Variants in PTN observed in about 807,000 individuals in gnomAD.
PTN encodes the protein heparin affin regulatory protein.
PTN carries 18 observed loss-of-function variants against 24.1 expected under a neutral mutation model. That is an observed-to-expected ratio of 0.75 (90% confidence interval 0.52 to 1.11). The LOEUF (loss-of-function observed/expected upper bound fraction) is 1.11, where lower values mean the gene tolerates loss of function less well. PTN is among the 50% of genes least tolerant of loss of function. The pLI, the probability that PTN is intolerant of heterozygous loss-of-function variation, is 0.00. For missense variants in PTN, 163 were observed against 198.8 expected (o/e 0.82, Z 1.08); for synonymous variants, 78 against 68.6 (o/e 1.14, Z -0.67).
At position 137,269,624 on chromosome 7, in the gene PTN, A is replaced by ATTTTTTT. The variant is rs869311084; in HGVS notation, c.-1-14657_-1-14651dup. Among the ~76,000 whole-genome samples, 171 of 63,012 alleles carry ATTTTTTT rather than the reference A, an allele frequency of 2.7e-3. 32 individuals are homozygous for ATTTTTTT. Among genetic ancestry groups the ATTTTTTT allele is most frequent in the African/African-American group, 0.012 (157 of 13,426 alleles). 41.3% of individuals were successfully genotyped at this position (63,012 alleles called of 152,430 possible). On this transcript the variant is annotated intron_variant, in intron 1 of 4. Coordinates refer to ENST00000348225, the MANE Select transcript of PTN (RefSeq NM_002825.7). Reference sequence around the variant, plus strand: ...TGCTATCTGTCAAGCTGCTTCATCTATTTTTTTTTTTTTTTTTTTTTTTTT... The same window carrying ATTTTTTT: ...TGCTATCTGTCAAGCTGCTTCATCTATTTTTTTTTTTTTTTTTTTTTTTTTTTTTTTT...
chr7:137,255,446 G>T (rs1808905062), intron 1 of PTN, among the ~76,000 whole-genome samples: 1 of 152,172 alleles, frequency 6.6e-6, no homozygotes, highest in Non-Finnish European at 1.5e-5. Context: ...ACAAGTATAT[G>T]TTTACTGTTT....
At chr7:137,292,729 T>C (rs1432750569) in intron 1 of PTN, among the ~76,000 whole-genome samples, 1 of 152,186 alleles carries the variant, frequency 6.6e-6, no homozygotes, top group East Asian at 1.9e-4. Context: ...CAAAAGTCTG[T>C]ACATGTTCAG....
rs181790529 is a variant in PTN at position 137,342,707 on chromosome 7, T to C, written c.-2+732A>G. ...CAACTCAGAAACTCTAAATATCTAGTAAATTAGTAACAAATATATCCTAAA... is the reference window on the plus strand; with the variant it reads ...CAACTCAGAAACTCTAAATATCTAGCAAATTAGTAACAAATATATCCTAAA... On this transcript the variant is annotated intron_variant, in intron 1 of 4. Coordinates refer to ENST00000348225, the MANE Select transcript of PTN (RefSeq NM_002825.7). 1.1e-3 allele frequency among the ~76,000 whole-genome samples: 170 copies of C among 152,294 alleles called. 1 individual carries two copies. The highest frequency in any genetic ancestry group is 1.5e-5 in the Non-Finnish European group (1 of 68,008).
chr7:137,279,065 G>A (rs919713112), intron 1 of PTN, among the ~76,000 whole-genome samples: 4 of 151,316 alleles, frequency 2.6e-5, no homozygotes, highest in Admixed American at 6.6e-5. Context: ...AAAAAAGTCA[G>A]TATGAATGAA....
At chr7:137,294,557 G>A (rs753287574) in intron 1 of PTN, among the ~76,000 whole-genome samples, 4 of 151,990 alleles carry the variant, frequency 2.6e-5, no homozygotes, top group Non-Finnish European at 5.9e-5. Context: ...CTCCCTACCA[G>A]GCCATCCCAT....
chr7:137,326,567 G>A (rs2128882111), intron 1 of PTN: 1 of 152,312 alleles, frequency 6.6e-6, no homozygotes, highest in Non-Finnish European at 1.5e-5. Context: ...CTATAGTGAA[G>A]TGGGGAGAGA....
At chr7:137,238,700 T>C (rs1049042660) in intron 4 of PTN, among the ~76,000 whole-genome samples, 17 of 152,196 alleles carry the variant, frequency 1.1e-4, no homozygotes, top group African/African-American at 4.1e-4. Flanking sequence ...GGTAACTTTG[T>C]GCAAGTTGCA....
At chr7:137,279,611 C>T (rs1809432372) in intron 1 of PTN, among the ~76,000 whole-genome samples, 1 of 152,072 alleles carries the variant, frequency 6.6e-6, no homozygotes, top group African/African-American at 2.4e-5. Flanking sequence ...ATTGCTGGAG[C>T]ATCCATGAGA....
chr7:137,280,711 A>AAAAAAAAAAAAAAAAAAAAAAAAAAAC (rs1809457560), intron 1 of PTN, among the ~76,000 whole-genome samples: 1 of 95,268 alleles, frequency 1.0e-5, no homozygotes, highest in Non-Finnish European at 2.5e-5. Context: ...AAAAAAAAAA[A>AAAAAAAAAAAAAAAAAAAAAAAAAAAC]AAAAAAAAAA....
intron 1 of PTN, among the ~76,000 whole-genome samples, chr7:137,276,466 AC>A (rs1400124923): frequency 2.6e-5 from 4 of 152,138 alleles, no homozygotes; most frequent in Non-Finnish European, 5.9e-5. Context: ...AATTCCGGTT[AC>A]CCCTGGATAT....
intron 1 of PTN, among the ~76,000 whole-genome samples, chr7:137,308,883 C>T (rs1002107078): frequency 7.2e-5 from 11 of 152,126 alleles, no homozygotes; most frequent in African/African-American, 1.7e-4. Flanking sequence ...TGACCCCTGA[C>T]GGGCCCAGAT....
At chr7:137,271,076 G>A (rs2128874378) in intron 1 of PTN, among the ~76,000 whole-genome samples, 1 of 152,164 alleles carries the variant, frequency 6.6e-6, no homozygotes, top group Middle Eastern at 3.4e-3. Context: ...TCTACTGCAG[G>A]CTCTGCATCC....
chr7:137,328,822 A>G (rs1810304371), intron 1 of PTN, among the ~76,000 whole-genome samples: 1 of 152,178 alleles, frequency 6.6e-6, no homozygotes, highest in South Asian at 2.1e-4. Flanking sequence ...ATCTAACAGC[A>G]ACATTCCTTA....
chr7:137,288,266 G>A lies in PTN; in HGVS notation c.-1-33292C>T, dbSNP rs183013380. Among the ~76,000 whole-genome samples, 48 of 152,186 alleles carry A rather than the reference G, an allele frequency of 3.2e-4. 2 individuals carry two copies. The highest frequency in any genetic ancestry group is 3.1e-3 in the East Asian group (16 of 5,182). On this transcript the variant is annotated intron_variant, in intron 1 of 4. Transcript: ENST00000348225. ...GAGTTAATTATTTGGACATATTGGCGTTCAGAAATTTTATGATACAACAAA... is the reference window on the plus strand; with the variant it reads ...GAGTTAATTATTTGGACATATTGGCATTCAGAAATTTTATGATACAACAAA...
At chr7:137,296,915 T>C (rs756247261) in intron 1 of PTN, among the ~76,000 whole-genome samples, 1 of 152,062 alleles carries the variant, frequency 6.6e-6, no homozygotes, top group Non-Finnish European at 1.5e-5. Context: ...CTTGTAGTTG[T>C]CTGGGAAGTT....
chr7:137,317,781 C>T (rs952820233), intron 1 of PTN, among the ~76,000 whole-genome samples: 1 of 152,034 alleles, frequency 6.6e-6, no homozygotes, highest in South Asian at 2.1e-4. Flanking sequence ...GGGAAGGCGT[C>T]GTCCCTCTCT....
chr7:137,341,589 C>T (rs1192661744), intron 1 of PTN, among the ~76,000 whole-genome samples: 1 of 152,068 alleles, frequency 6.6e-6, no homozygotes, highest in African/African-American at 2.4e-5. Context: ...TCTAATAGTA[C>T]TTTTATTTAT....
chr7:137,296,276 T>C (rs1232683484), intron 1 of PTN, among the ~76,000 whole-genome samples: 1 of 152,104 alleles, frequency 6.6e-6, no homozygotes, highest in Non-Finnish European at 1.5e-5. Context: ...TGATAATAAA[T>C]ATTTCTGTAA....
intron 1 of PTN, among the ~76,000 whole-genome samples, chr7:137,282,301 C>T (rs1307686397): frequency 3.3e-5 from 5 of 152,158 alleles, no homozygotes; most frequent in Non-Finnish European, 5.9e-5. Flanking sequence ...AACTGCATAC[C>T]ATGACAGTAA....
Sources: allele counts gnomAD v4.1 joint callset (sites outside exome capture counted in the v4.1 genomes callset), GRCh38; gene constraint gnomAD v4.1.1; transcripts MANE v1.5; gene names NCBI Gene and HGNC (gene_info 2026-07-23, HGNC 2026-07-21).